Variants in INO80D observed in about 807,000 individuals in gnomAD.
INO80D encodes INO80 complex subunit D.
In INO80D, 21 loss-of-function variants were observed where a neutral mutation model predicts 87.6. That is an observed-to-expected ratio of 0.24 (90% CI 0.17 to 0.35). The LOEUF (loss-of-function observed/expected upper bound fraction) is 0.35. Among genes scored for constraint, INO80D ranks in the 10% least tolerant of loss-of-function variants. The pLI, the probability that INO80D is intolerant of heterozygous loss-of-function variation, is 1.00. For missense variants in INO80D, 982 were observed against 1,280.7 expected (o/e 0.77, Z 3.56); for synonymous variants, 440 against 491.0 (o/e 0.90, Z 1.37).
rs1687859171 is a variant in INO80D, at chr2:205,999,054, T to C, written c.*5314A>G. 6.6e-6 allele frequency: 1 copy of C among 152,162 alleles called. No individual in the cohort carries two copies. Among genetic ancestry groups the C allele is most frequent in the African/African-American group, 2.4e-5 (1 of 41,430 alleles). The allele number at this position is 152,162 out of a possible 1,614,324, so 9.4% of individuals were successfully genotyped here. A position where few individuals can be genotyped will look rare whatever the true frequency, so the allele number is the denominator to read the frequency against. On this transcript the variant is annotated 3_prime_UTR_variant, in exon 11 of 11. Transcript: ENST00000403263. ...AGTCATTTTAGGGCAAATCAGTCTA[T>C]TCCCCCAGGTAGAACCAATGGTGTG...
intron 1 of INO80D, among the ~76,000 whole-genome samples, chr2:206,074,551 T>G (rs1199743998): frequency 6.8e-6 from 1 of 146,828 alleles, no homozygotes; most frequent in East Asian, 2.0e-4. Flanking sequence ...GAGGCGGAGG[T>G]TGCAGTGAGC....
At chr2:206,021,008 A>G (rs1688449464) in intron 6 of INO80D, among the ~76,000 whole-genome samples, 1 of 152,066 alleles carries the variant, frequency 6.6e-6, no homozygotes, top group Non-Finnish European at 1.5e-5. Context: ...CCCCATCTCT[A>G]TTGAAAAAAA....
chr2:206,012,580 T>C (rs573774454), intron 8 of INO80D, among the ~76,000 whole-genome samples: 6 of 151,950 alleles, frequency 3.9e-5, no homozygotes, highest in Non-Finnish European at 7.4e-5. Context: ...AATATGAAAA[T>C]AGAGGCTTGG....
chr2:206,007,773 C>A, intron 9 of INO80D: 1 of 177,926 alleles, frequency 5.6e-6, no homozygotes, highest in Non-Finnish European at 1.2e-5. Flanking sequence ...AGTGAGCTGA[C>A]ATCACACTAC....
intron 5 of INO80D, among the ~76,000 whole-genome samples, chr2:206,032,258 T>C (rs1007752926): frequency 2.0e-5 from 3 of 152,184 alleles, no homozygotes; most frequent in Non-Finnish European, 4.4e-5. Context: ...AGCCCCTCTC[T>C]TTTGCAGCTG....
rs1016728728 is a variant in INO80D at position 206,083,440 on chromosome 2, T to C, written c.-124+2461A>G. 4.6e-5 allele frequency among the ~76,000 whole-genome samples: 7 copies of C among 152,298 alleles called. No homozygotes were observed. In the East Asian group the frequency reaches 1.3e-3, roughly 29 times the overall value. On this transcript the variant is annotated intron_variant, in intron 1 of 10. Coordinates refer to ENST00000403263, the MANE Select transcript of INO80D (RefSeq NM_017759.5). The stretch of plus-strand genomic sequence containing the variant: ...GAAGTAACGATTTTTGGTACACATG[T>C]TTAAAAAAATGTCCATGTCAATAAA...
chr2:206,012,177 C>T (rs1016952790), intron 8 of INO80D, among the ~76,000 whole-genome samples: 1 of 152,118 alleles, frequency 6.6e-6, no homozygotes, highest in African/African-American at 2.4e-5. Flanking sequence ...CTACAGAATT[C>T]CCTTTCTATG....
At chr2:206,031,315 T>C (rs1296521142) in intron 5 of INO80D, among the ~76,000 whole-genome samples, 2 of 151,824 alleles carry the variant, frequency 1.3e-5, no homozygotes, top group Non-Finnish European at 2.9e-5. Flanking sequence ...CTAACTCACT[T>C]TGGTGACTCA....
intron 4 of INO80D, among the ~76,000 whole-genome samples, chr2:206,047,004 C>T (rs943804236): frequency 2.0e-5 from 3 of 152,146 alleles, no homozygotes; most frequent in African/African-American, 4.8e-5. Flanking sequence ...TGCTCTTGAA[C>T]GCCTGACCTC....
intron 4 of INO80D, among the ~76,000 whole-genome samples, chr2:206,049,918 G>A (rs1689304431): frequency 6.6e-6 from 1 of 151,426 alleles, no homozygotes; most frequent in Admixed American, 6.6e-5. Flanking sequence ...GATCACCTGA[G>A]GTCAGGAGTT....
At chr2:206,029,170 G>A (rs997881966) in intron 5 of INO80D, among the ~76,000 whole-genome samples, 5 of 152,066 alleles carry the variant, frequency 3.3e-5, no homozygotes, top group Non-Finnish European at 7.4e-5. Flanking sequence ...TTACAGGCAT[G>A]AGCCACCGAG....
intron 1 of INO80D, chr2:206,084,522 A>T (rs1690381701): frequency 6.6e-6 from 1 of 152,246 alleles, no homozygotes; most frequent in South Asian, 2.1e-4. Flanking sequence ...GGAGGCTTCC[A>T]AGCCATCTGA....
At chr2:206,035,146 T>C (rs1688860077) in intron 5 of INO80D, among the ~76,000 whole-genome samples, 1 of 152,114 alleles carries the variant, frequency 6.6e-6, no homozygotes, top group Admixed American at 6.5e-5. Flanking sequence ...AGAATCAATA[T>C]TGTGAAAATG....
intron 1 of INO80D, among the ~76,000 whole-genome samples, chr2:206,076,027 G>A (rs1346696495): frequency 6.7e-6 from 1 of 148,558 alleles, no homozygotes; most frequent in Admixed American, 6.9e-5. Flanking sequence ...ACTCCAGCCT[G>A]GGCAATAGAG....
Position 206,032,682 on chromosome 2 carries a change from ACAATTAT to A in INO80D, c.1074-4354_1074-4348del, listed in dbSNP as rs370786866. ...CCTATCTTCAGCCTCCTTAAACAAA[ACAATTAT>A]CAGCCAAGAATTTTGTATCAAGCAA... is the stretch of plus-strand genomic sequence containing the variant. On this transcript the variant is annotated intron_variant, in intron 5 of 10. Transcript: ENST00000403263. 5.8e-3 allele frequency among the ~76,000 whole-genome samples: 888 copies of A among 152,322 alleles called. 7 individuals are homozygous for A. The highest frequency in any genetic ancestry group is 0.011 in the Non-Finnish European group (715 of 68,042).
Position 206,019,862 on chromosome 2 carries a change from A to T in INO80D, c.1299-17T>A. 1.3e-6 allele frequency: 2 copies of T among 1,594,544 alleles called. No individual in the cohort carries two copies. Among genetic ancestry groups the T allele is most frequent in the South Asian group, 2.2e-5 (2 of 89,592 alleles). On this transcript the variant is annotated splice_polypyrimidine_tract_variant and intron_variant, in intron 6 of 10. Coordinates refer to ENST00000403263, the MANE Select transcript of INO80D (RefSeq NM_017759.5). ...CGGCTTATGCTAAGGAAAGAAAAAC[A>T]GAGAATTAATTTTTTTTTAATGCTT...
chr2:206,033,114 ATAAACT>A (rs1470095246), intron 5 of INO80D, among the ~76,000 whole-genome samples: 1 of 152,224 alleles, frequency 6.6e-6, no homozygotes, highest in Non-Finnish European at 1.5e-5. Flanking sequence ...AAGGACTCAC[ATAAACT>A]TAAAGGCACA....
rs368120505 is a variant in INO80D at position 206,056,594 on chromosome 2, G to T, written c.568C>A (p.Arg190=). 4.7e-5 allele frequency: 75 copies of T among 1,610,394 alleles called. No homozygotes were observed. Among genetic ancestry groups the T allele is most frequent in the Non-Finnish European group, 5.7e-5 (67 of 1,178,172 alleles). ...RQRETEILKV[R]QEHFSPPPAP... ...GGAGGGGGACTAAAGTGCTCTTGTCGAACTTTTAAAATCTCTGTCTCTCTC... is the reference window on the plus strand; with the variant it reads ...GGAGGGGGACTAAAGTGCTCTTGTCTAACTTTTAAAATCTCTGTCTCTCTC... The change falls in exon 4 of 11, where the codon CGA becomes AGA. Residue 190 remains arginine, a synonymous_variant. Coordinates refer to ENST00000403263, the MANE Select transcript of INO80D (RefSeq NM_017759.5).
rs1172014711 is a variant in INO80D, at chr2:206,080,795, T to C, written c.-124+5106A>G. On this transcript the variant is annotated intron_variant, in intron 1 of 10. Coordinates refer to ENST00000403263, the MANE Select transcript of INO80D (RefSeq NM_017759.5). The stretch of plus-strand genomic sequence containing the variant: ...GCGGGCGCCTGTAGTCCCAGCTACT[T>C]GGGAGGCTGAGGCAGGAGAATGGCG... Among the ~76,000 whole-genome samples, 102 of 146,638 alleles carry C rather than the reference T, an allele frequency of 7.0e-4. 2 individuals carry two copies. Among genetic ancestry groups the C allele is most frequent in the Admixed American group, 1.4e-3 (20 of 14,382 alleles).
Sources: allele counts gnomAD v4.1 joint callset (sites outside exome capture counted in the v4.1 genomes callset), GRCh38; gene constraint gnomAD v4.1.1; transcripts MANE v1.5; gene names NCBI Gene and HGNC (gene_info 2026-07-23, HGNC 2026-07-21).